Variants in GPC6 observed in about 807,000 individuals in gnomAD.
GPC6 encodes the protein glypican-6.
Under a neutral mutation model 55.2 loss-of-function variants are expected in GPC6, and 14 were observed. The observed-to-expected ratio is 0.25, with a 90% CI of 0.17 to 0.40. The LOEUF (loss-of-function observed/expected upper bound fraction) is 0.40, where lower values mean the gene tolerates loss of function less well. Ranked by LOEUF, GPC6 falls within the 10% of genes least tolerant of loss-of-function variation. The pLI, the probability that GPC6 is intolerant of heterozygous loss-of-function variation, is 1.00. For synonymous variants in GPC6, 278 were observed against 259.6 expected, an observed-to-expected ratio of 1.07 and a Z score of -0.68; for missense variants, 641 against 708.5, an observed-to-expected ratio of 0.90 and a Z score of 1.08.
intron 3 of GPC6, among the ~76,000 whole-genome samples, chr13:93,906,609 A>T (rs556996990): frequency 5.3e-5 from 8 of 152,284 alleles, no homozygotes; most frequent in Non-Finnish European, 7.3e-5. Flanking sequence ...CACCATCTTG[A>T]TGTCTTTATA....
chr13:93,829,446 T>C (rs1006322552), intron 2 of GPC6, among the ~76,000 whole-genome samples: 2 of 152,226 alleles, frequency 1.3e-5, no homozygotes, highest in Non-Finnish European at 2.9e-5. Flanking sequence ...CTTTTTCATT[T>C]AGAACCTCAT....
intron 1 of GPC6, among the ~76,000 whole-genome samples, chr13:93,385,791 A>G (rs993985530): frequency 2.0e-5 from 3 of 152,050 alleles, no homozygotes; most frequent in Non-Finnish European, 2.9e-5. Context: ...AATAAGTAAA[A>G]TATAATTTTA....
intron 4 of GPC6, among the ~76,000 whole-genome samples, chr13:94,052,886 C>T (rs2225228): frequency 6.6e-6 from 1 of 152,034 alleles, no homozygotes; most frequent in African/African-American, 2.4e-5. Context: ...GGAAAGCTCC[C>T]CTTTCTGTAC....
chr13:93,423,619 G>C (rs4773747), intron 1 of GPC6, among the ~76,000 whole-genome samples: 23,607 of 152,008 alleles, frequency 0.16, 2,422 homozygotes, highest in East Asian at 0.48. Flanking sequence ...AGTTGGACTT[G>C]ATCGTCTCTC....
At chr13:93,859,066 G>C (rs1481081570) in intron 3 of GPC6, among the ~76,000 whole-genome samples, 2 of 151,522 alleles carry the variant, frequency 1.3e-5, no homozygotes, top group Admixed American at 6.6e-5. Context: ...TAACATCTCT[G>C]TGGGGTCTAT....
intron 1 of GPC6, among the ~76,000 whole-genome samples, chr13:93,305,046 G>C (rs1304413241): frequency 6.6e-6 from 1 of 152,146 alleles, no homozygotes; most frequent in Non-Finnish European, 1.5e-5. Flanking sequence ...AAGTCATGCA[G>C]CTGGAGCAGG....
At chr13:94,307,269 G>A (rs1356517555) in intron 6 of GPC6, among the ~76,000 whole-genome samples, 1 of 152,022 alleles carries the variant, frequency 6.6e-6, no homozygotes, top group Non-Finnish European at 1.5e-5. Flanking sequence ...TCTCTCTAGT[G>A]TAGATATTTG....
chr13:93,493,524 C>T (rs1172825778), intron 1 of GPC6, among the ~76,000 whole-genome samples: 14 of 119,674 alleles, frequency 1.2e-4, no homozygotes, highest in African/African-American at 4.3e-4. Context: ...CTATTTCCTT[C>T]AGTTCTGCTC....
At chr13:93,547,673 T>C (rs1218816711) in intron 2 of GPC6, among the ~76,000 whole-genome samples, 6 of 151,942 alleles carry the variant, frequency 3.9e-5, no homozygotes, top group African/African-American at 7.2e-5. Context: ...TTGAGTTGGA[T>C]GGGAGAGAAA....
At chr13:93,460,594 A>C (rs1040379955) in intron 1 of GPC6, among the ~76,000 whole-genome samples, 3 of 152,176 alleles carry the variant, frequency 2.0e-5, no homozygotes, top group Non-Finnish European at 2.9e-5. Context: ...TTAACATGTA[A>C]GTTTTTCAGT....
intron 2 of GPC6, among the ~76,000 whole-genome samples, chr13:93,724,062 A>T (rs1388982285): frequency 6.6e-6 from 1 of 152,000 alleles, no homozygotes; most frequent in Non-Finnish European, 1.5e-5. Flanking sequence ...TTAATGGTGA[A>T]TGGAGATGCT....
At chr13:93,827,148 G>A (rs894223657) in intron 2 of GPC6, among the ~76,000 whole-genome samples, 1 of 152,156 alleles carries the variant, frequency 6.6e-6, no homozygotes, top group African/African-American at 2.4e-5. Flanking sequence ...AATTTTTGTT[G>A]ACTGAAGACT....
At chr13:93,472,029 G>C (rs924514758) in intron 1 of GPC6, among the ~76,000 whole-genome samples, 2 of 152,142 alleles carry the variant, frequency 1.3e-5, no homozygotes, top group African/African-American at 4.8e-5. Context: ...ACAATTGTTG[G>C]TTTTAGATTT....
At chr13:93,345,608 G>C (rs571634403) in intron 1 of GPC6, among the ~76,000 whole-genome samples, 2 of 152,168 alleles carry the variant, frequency 1.3e-5, no homozygotes, top group African/African-American at 4.8e-5. Context: ...TGAAAGAAAA[G>C]GAACAGAGTC....
intron 4 of GPC6, among the ~76,000 whole-genome samples, chr13:94,050,178 G>C (rs1439881978): frequency 6.6e-6 from 1 of 152,070 alleles, no homozygotes; most frequent in Non-Finnish European, 1.5e-5. Flanking sequence ...TGAACTAGGG[G>C]TTTGGTCTGT....
intron 4 of GPC6, among the ~76,000 whole-genome samples, chr13:94,028,388 C>T (rs1441705615): frequency 6.6e-6 from 1 of 151,978 alleles, no homozygotes; most frequent in South Asian, 2.1e-4. Flanking sequence ...TGGGACAGTC[C>T]TGTTAAAGAT....
intron 1 of GPC6, among the ~76,000 whole-genome samples, chr13:93,244,047 C>T (rs909159004): frequency 4.6e-5 from 7 of 152,166 alleles, no homozygotes; most frequent in Non-Finnish European, 4.4e-5. Context: ...CAGGCAGTCC[C>T]GTGCTTTGGC....
chr13:93,877,112 G>C (rs1307232048), intron 3 of GPC6, among the ~76,000 whole-genome samples: 1 of 152,020 alleles, frequency 6.6e-6, no homozygotes, highest in East Asian at 1.9e-4. Context: ...CTAAGCAGTA[G>C]AAATATATCA....
chr13:93,904,989 A>G (rs1487372779), intron 3 of GPC6, among the ~76,000 whole-genome samples: 1 of 125,166 alleles, frequency 8.0e-6, no homozygotes. Flanking sequence ...ATGTGTTCTC[A>G]TTGTTCAATT....
Sources: gnomAD v4.1 joint callset for allele counts (sites outside exome capture counted in the v4.1 genomes callset) on GRCh38, gnomAD v4.1.1 for gene constraint, MANE v1.5 for transcripts, NCBI Gene and HGNC (gene_info 2026-07-23, HGNC 2026-07-21) for gene names.